GAREM1: variants seen among roughly 807,000 people sequenced by gnomAD.
GAREM1 encodes GRB2-associated and regulator of MAPK protein 1.
In GAREM1, 26 loss-of-function variants were observed where a neutral mutation model predicts 71.3. The ratio of observed to expected loss-of-function variants is 0.36; its 90% CI spans 0.27 to 0.51. The LOEUF is 0.51. GAREM1 is among the 20% of genes least tolerant of loss of function. GAREM1 has a pLI of 0.95. For missense variants in GAREM1, 1,026 were observed against 1,103.1 expected (o/e 0.93, Z 0.99); for synonymous variants, 440 against 433.2 (o/e 1.02, Z -0.20).
chr18:32,357,269 G>T (rs148628744), intron 2 of GAREM1, among the ~76,000 whole-genome samples: 218 of 152,222 alleles, frequency 1.4e-3, no homozygotes, highest in Admixed American at 1.8e-3. Flanking sequence ...TTGAGCCCAG[G>T]AGTTCAAGAC....
Position 32,270,278 on chromosome 18 carries a change from G to A in GAREM1, c.1672C>T (p.Arg558Trp), listed in dbSNP as rs144218911. The A allele has an allele frequency of 8.3e-5, 134 of 1,613,812 alleles. No homozygotes were observed. The African/African-American group carries it at 1.1e-3, about 13-fold the overall frequency. The part of the protein sequence containing the change: ...SIPPRTVKPA[R>W]QQTRSPSPTL... The stretch of plus-strand genomic sequence containing the variant: ...GGGCTGGGAGAGCGAGTCTGTTGCC[G>A]CGCTGGCTTGACTGTGCGAGGAGGG... The change falls in exon 5 of 6, where the codon CGG (arginine) becomes TGG (tryptophan). Residue 558 changes from arginine to tryptophan, a missense_variant. Arg to Trp is a moderately radical substitution (Grantham distance 101, BLOSUM62 -3). This residue lies in a region of GAREM1 where 636 missense variants were observed against 631.2 expected (regional missense o/e 1.01). Transcript: ENST00000269209.
At chr18:32,320,933 C>T (rs1413607333) in intron 2 of GAREM1, among the ~76,000 whole-genome samples, 5 of 152,192 alleles carry the variant, frequency 3.3e-5, no homozygotes, top group African/African-American at 9.7e-5. Flanking sequence ...GTTGCTAATA[C>T]ATTATGAAAT....
At chr18:32,379,511 C>T (rs2048072031) in intron 2 of GAREM1, among the ~76,000 whole-genome samples, 1 of 150,156 alleles carries the variant, frequency 6.7e-6, no homozygotes, top group South Asian at 2.1e-4. Context: ...TCAAGACCAG[C>T]CTGACCAATG....
chr18:32,417,768 C>T (rs1670179682), intron 1 of GAREM1, among the ~76,000 whole-genome samples: 1 of 151,744 alleles, frequency 6.6e-6, no homozygotes, highest in African/African-American at 2.4e-5. Context: ...TTAATGGACA[C>T]ACACAAAAAA....
At chr18:32,464,229 TAC>T (rs2048978569) in intron 1 of GAREM1, among the ~76,000 whole-genome samples, 1 of 151,746 alleles carries the variant, frequency 6.6e-6, no homozygotes, top group Non-Finnish European at 1.5e-5. Flanking sequence ...AGACAGGAGT[TAC>T]AGTTAGCCAA....
chr18:32,459,704 G>A (rs1487654755), intron 1 of GAREM1, among the ~76,000 whole-genome samples: 1 of 152,092 alleles, frequency 6.6e-6, no homozygotes, highest in African/African-American at 2.4e-5. Context: ...CCTGAAACAG[G>A]CTAAAAATGA....
chr18:32,288,270 T>C, intron 3 of GAREM1, 67 bp from the exon 4 acceptor site: 1 of 1,285,824 alleles, frequency 7.8e-7, no homozygotes, highest in Non-Finnish European at 1.1e-6. Context: ...AACTTCCTAT[T>C]AAGACACACA....
intron 2 of GAREM1, among the ~76,000 whole-genome samples, chr18:32,327,546 A>G (rs1173871450): frequency 1.3e-5 from 2 of 152,232 alleles, no homozygotes; most frequent in Non-Finnish European, 2.9e-5. Flanking sequence ...AATACCTAAA[A>G]CCAGCAAATA....
rs1248866104 is a variant in GAREM1 at position 32,263,970 on chromosome 18, T to G, written c.*3901A>C. On this transcript the variant is annotated 3_prime_UTR_variant, in exon 6 of 6. Transcript: ENST00000269209. ...TAGAGCAGCAAAATTACAGAAGATATTTGTATATAGTTTAAACTGAAATCA... is the reference window on the plus strand; with the variant it reads ...TAGAGCAGCAAAATTACAGAAGATAGTTGTATATAGTTTAAACTGAAATCA... 1 of 152,182 alleles carries G rather than the reference T, an allele frequency of 6.6e-6. No homozygotes were observed. Among genetic ancestry groups the G allele is most frequent in the East Asian group, 1.9e-4 (1 of 5,194 alleles). The allele number at this position is 152,182 out of a possible 1,614,324, so 9.4% of individuals were successfully genotyped here.
chr18:32,383,821 T>C (rs554403888), intron 2 of GAREM1, among the ~76,000 whole-genome samples: 14 of 150,710 alleles, frequency 9.3e-5, no homozygotes, highest in African/African-American at 3.2e-4. Context: ...TTTTTGTGGG[T>C]TTTTTTTTAA....
chr18:32,300,443 C>T (rs1411665247), intron 3 of GAREM1, among the ~76,000 whole-genome samples: 4 of 152,202 alleles, frequency 2.6e-5, no homozygotes, highest in Non-Finnish European at 5.9e-5. Flanking sequence ...TATTATTTTA[C>T]AGGACAACCA....
intron 4 of GAREM1, among the ~76,000 whole-genome samples, chr18:32,279,065 A>T (rs2041579503): frequency 6.6e-6 from 1 of 152,244 alleles, no homozygotes; most frequent in Admixed American, 6.5e-5. Flanking sequence ...TCATGGACTC[A>T]GAAAGTATAT....
chr18:32,381,312 T>C (rs1372479635), intron 2 of GAREM1, among the ~76,000 whole-genome samples: 26 of 152,152 alleles, frequency 1.7e-4, no homozygotes, highest in Admixed American at 1.7e-3. Context: ...TTTTTGTTGT[T>C]GTTGTTTTCT....
intron 1 of GAREM1, among the ~76,000 whole-genome samples, chr18:32,409,707 TAATTC>T (rs1472709070): frequency 6.6e-6 from 1 of 152,214 alleles, no homozygotes; most frequent in East Asian, 1.9e-4. Context: ...TATGCCTACT[TAATTC>T]AAATCTGAAA....
chr18:32,366,261 A>G (rs1298322187), intron 2 of GAREM1, among the ~76,000 whole-genome samples: 1 of 152,070 alleles, frequency 6.6e-6, no homozygotes, highest in African/African-American at 2.4e-5. Context: ...GCTTCCCTCT[A>G]TAATACTACT....
chr18:32,286,451 T>A lies in GAREM1; in HGVS notation c.1566+580A>T, dbSNP rs562714862. On this transcript the variant is annotated intron_variant, in intron 4 of 5. Coordinates refer to ENST00000269209, the MANE Select transcript of GAREM1 (RefSeq NM_001242409.2). ...TAAGTGAGGCTACTGCCTCTTGATT[T>A]TCCTCTGCTTCCCCTCCCACCACCA... 1.8e-4 allele frequency among the ~76,000 whole-genome samples: 28 copies of A among 152,182 alleles called. No homozygotes were observed. The East Asian group carries it at 5.4e-3, about 29-fold the overall frequency.
intron 2 of GAREM1, among the ~76,000 whole-genome samples, chr18:32,338,063 G>C (rs2047615365): frequency 6.6e-6 from 1 of 152,018 alleles, no homozygotes; most frequent in East Asian, 1.9e-4. Context: ...TGAAAGAGGT[G>C]GTTTCTTCAG....
chr18:32,452,504 T>C (rs962631563), intron 1 of GAREM1, among the ~76,000 whole-genome samples: 2 of 152,214 alleles, frequency 1.3e-5, no homozygotes, highest in Admixed American at 6.5e-5. Context: ...CAGTGATCAA[T>C]TAACATTTTC....
chr18:32,440,740 A>C (rs1044399335), intron 1 of GAREM1, among the ~76,000 whole-genome samples: 1 of 152,230 alleles, frequency 6.6e-6, no homozygotes, highest in Admixed American at 6.5e-5. Context: ...CATTCCTAAG[A>C]AATGCTGTAT....
Sources: allele counts gnomAD v4.1 joint callset (sites outside exome capture counted in the v4.1 genomes callset), GRCh38; gene constraint gnomAD v4.1.1; regional missense constraint gnomAD v4.1.1; transcripts MANE v1.5; gene names NCBI Gene and HGNC (gene_info 2026-07-23, HGNC 2026-07-21).